GOLGB1: variants seen among roughly 807,000 people sequenced by gnomAD.
GOLGB1 encodes the protein golgin B1, also known as golgin subfamily B member 1.
A neutral mutation model predicts 336.9 loss-of-function variants in GOLGB1; 174 were observed. The ratio of observed to expected loss-of-function variants is 0.52; its 90% CI spans 0.46 to 0.59. GOLGB1 has a LOEUF of 0.59. GOLGB1 is among the 20% of genes least tolerant of loss of function. The pLI is 0.00. For synonymous variants in GOLGB1, 1,208 were observed against 1,289.2 expected, an observed-to-expected ratio of 0.94 and a Z score of 1.35; for missense variants, 3,331 against 3,645.3, an observed-to-expected ratio of 0.91 and a Z score of 2.22.
rs899777284 is a variant in GOLGB1 at position 121,695,529 on chromosome 3, G to A, written c.4994C>T (p.Thr1665Ile). ...LRSTEANKKE[T>I]EKQLQEAEQE... ...CTCAGCTTCCTGCAACTGCTTTTCT[G>A]TCTCCTTCTTGTTTGCCTCTGTGCT... The change falls in exon 13 of 22, where the codon ACA (threonine) becomes ATA (isoleucine). Residue 1665 changes from threonine to isoleucine, a missense_variant. Coordinates refer to ENST00000614479, the MANE Select transcript of GOLGB1 (RefSeq NM_001366282.2). The A allele has an allele frequency of 6.8e-6, 11 of 1,613,640 alleles. No homozygotes were observed. In the Admixed American group the frequency reaches 8.3e-5, roughly 12 times the overall value.
At chr3:121,707,280 A>G (rs1943962704) in intron 10 of GOLGB1, among the ~76,000 whole-genome samples, 1 of 151,240 alleles carries the variant, frequency 6.6e-6, no homozygotes, top group South Asian at 2.1e-4. Flanking sequence ...ACCCATGACC[A>G]GCAGACTTGC....
Position 121,729,890 on chromosome 3 carries a change from AGTTGAACATCCTTCT to A in GOLGB1, c.209_223del (p.Gln70_Gln74del), listed in dbSNP as rs1395049955. 6.2e-7 allele frequency: 1 copy of A among 1,612,340 alleles called. No homozygotes were observed. The highest frequency in any genetic ancestry group is 8.5e-7 in the Non-Finnish European group (1 of 1,178,780). On this transcript the variant is annotated inframe_deletion, in exon 3 of 22. Transcript: ENST00000614479. Reference sequence around the variant, plus strand: ...CTGTAGAGCTTCATCTTTCTGCTGCAGTTGAACATCCTTCTGTCTAATAATATCTTTTAGCTCCAC... The same window carrying A: ...CTGTAGAGCTTCATCTTTCTGCTGCAGTCTAATAATATCTTTTAGCTCCAC...
chr3:121,664,344 TGCAGGCAC>T lies in GOLGB1; in HGVS notation c.*128_*135del. 2 of 795,270 alleles carry T rather than the reference TGCAGGCAC, an allele frequency of 2.5e-6. No homozygotes were observed. The highest frequency in any genetic ancestry group is 4.1e-5 in the Admixed American group (2 of 48,478). 49.3% of individuals were successfully genotyped at this position (795,270 alleles called of 1,614,324 possible). A position where few individuals can be genotyped will look rare whatever the true frequency, so the allele number is the denominator to read the frequency against. On this transcript the variant is annotated 3_prime_UTR_variant, in exon 22 of 22. Transcript: ENST00000614479. ...CTGTCCTCGTATCCACCTCTGTTTT[TGCAGGCAC>T]TTTCCGTGAAGAGTTGGAGAGAAGA...
Position 121,692,413 on chromosome 3 carries a change from T to C in GOLGB1, c.6951A>G (p.Ser2317=). 1 of 1,613,724 alleles carries C rather than the reference T, an allele frequency of 6.2e-7. No individual in the cohort carries two copies. Among genetic ancestry groups the C allele is most frequent in the Non-Finnish European group, 8.5e-7 (1 of 1,179,914 alleles). Residue 2317 remains serine, a synonymous_variant, in exon 14 of 22, where the codon TCA becomes TCG. Transcript: ENST00000614479. The part of the protein sequence containing the change: ...SSQNELAKLE[S]ELKSLKDQLT... ...ACTGGTCTTTGAGACTCTTAAGTTC[T>C]GATTCCAACTTAGCTAATTCATTCT...
intron 4 of GOLGB1, among the ~76,000 whole-genome samples, chr3:121,728,211 T>C (rs1293148511): frequency 2.0e-5 from 3 of 152,156 alleles, no homozygotes. Flanking sequence ...TTCAAGAAGT[T>C]AAATAAGATT....
At chr3:121,668,672 CAAA>C (rs138891151) in intron 18 of GOLGB1, among the ~76,000 whole-genome samples, 15,687 of 66,548 alleles carry the variant, frequency 0.24, 983 homozygotes, top group South Asian at 0.3. Context: ...GACTCCGTCT[CAAA>C]AAAAAAAAAA....
intron 5 of GOLGB1, 25 bp from the exon 6 acceptor site, chr3:121,722,403 GA>G (rs754780897): frequency 3.1e-5 from 39 of 1,268,898 alleles, no homozygotes; most frequent in Non-Finnish European, 3.3e-5. Context: ...GACATAGAAG[GA>G]AAAAAAATTA....
At chr3:121,707,118 T>C (rs1943926741) in intron 10 of GOLGB1, among the ~76,000 whole-genome samples, 1 of 147,474 alleles carries the variant, frequency 6.8e-6, no homozygotes, top group African/African-American at 2.5e-5. Context: ...TCCCAGCTAC[T>C]CGGGAGGCTG....
At chr3:121,680,089 T>C (rs115777355) in intron 15 of GOLGB1, among the ~76,000 whole-genome samples, 65 of 152,300 alleles carry the variant, frequency 4.3e-4, no homozygotes, top group African/African-American at 1.6e-3. Flanking sequence ...ATGGAGGCCA[T>C]GTGGGGAGCA....
At chr3:121,744,362 C>T (rs9829053) in intron 1 of GOLGB1, among the ~76,000 whole-genome samples, 104,004 of 149,218 alleles carry the variant, frequency 0.7, 36,942 homozygotes, top group East Asian at 0.86. Flanking sequence ...ATCCCAGCAC[C>T]TTAGAAGGCT....
At chr3:121,729,455 C>A in intron 3 of GOLGB1, 115 bp from the exon 4 acceptor site, 1 of 880,366 alleles carries the variant, frequency 1.1e-6, no homozygotes. Context: ...TCTCTGTTAC[C>A]AGGGCTGGAG....
chr3:121,696,354 T>C lies in GOLGB1; in HGVS notation c.4169A>G (p.Glu1390Gly), dbSNP rs771367169. The C allele has an allele frequency of 6.2e-7, 1 of 1,614,190 alleles. No individual in the cohort carries two copies. The highest frequency in any genetic ancestry group is 8.5e-7 in the Non-Finnish European group (1 of 1,180,014). Residue 1390 changes from glutamate to glycine, a missense_variant, in exon 13 of 22, where the codon GAA (glutamate) becomes GGA (glycine). By Grantham distance (98) the Glu-to-Gly change is moderately conservative. Coordinates refer to ENST00000614479, the MANE Select transcript of GOLGB1 (RefSeq NM_001366282.2). Reference protein sequence around the residue: ...ESSQLQIAGLEHLRELQPKLD... With the variant: ...ESSQLQIAGLGHLRELQPKLD... ...TTTAGGTTGCAATTCTCTTAGATGT[T>C]CTAGGCCAGCAATTTGTAGTTGGCT...
intron 17 of GOLGB1, among the ~76,000 whole-genome samples, chr3:121,672,062 T>G (rs954423466): frequency 6.6e-6 from 1 of 152,210 alleles, no homozygotes; most frequent in Non-Finnish European, 1.5e-5. Flanking sequence ...CTTACATTGA[T>G]TCTATGTTTT....
At chr3:121,703,423 G>C (rs895585903) in intron 10 of GOLGB1, among the ~76,000 whole-genome samples, 1 of 152,158 alleles carries the variant, frequency 6.6e-6, no homozygotes, top group Non-Finnish European at 1.5e-5. Flanking sequence ...AGAATGAGAA[G>C]AGTTTGGGAC....
chr3:121,696,989 C>T lies in GOLGB1; in HGVS notation c.3534G>A (p.Lys1178=). Residue 1178 remains lysine, a synonymous_variant, in exon 13 of 22, where the codon AAG becomes AAA. Coordinates refer to ENST00000614479, the MANE Select transcript of GOLGB1 (RefSeq NM_001366282.2). ...CCTGTAGCTTCTTTTGAAGTTGCTC[C>T]TTTTCTTTTTCAAGGGCCAGTATCT... ...EEKILALEKE[K]EQLQKKLQEA... is the part of the protein sequence containing the mutation. 1 of 1,614,016 alleles carries T rather than the reference C, an allele frequency of 6.2e-7. No individual in the cohort carries two copies. The highest frequency in any genetic ancestry group is 8.5e-7 in the Non-Finnish European group (1 of 1,179,978).
intron 10 of GOLGB1, among the ~76,000 whole-genome samples, chr3:121,710,644 G>A (rs910532373): frequency 6.6e-5 from 10 of 152,132 alleles, no homozygotes; most frequent in African/African-American, 2.4e-4. Context: ...TTCTGTACCA[G>A]CCTGGGCAAC....
chr3:121,685,479 G>A (rs1019732529), intron 14 of GOLGB1, among the ~76,000 whole-genome samples: 2 of 152,028 alleles, frequency 1.3e-5, no homozygotes, highest in Non-Finnish European at 2.9e-5. Flanking sequence ...AGGGTGCAGT[G>A]AGCTGAGATG....
At chr3:121,723,666 A>G (rs1348832971) in intron 5 of GOLGB1, among the ~76,000 whole-genome samples, 1 of 152,162 alleles carries the variant, frequency 6.6e-6, no homozygotes, top group Non-Finnish European at 1.5e-5. Flanking sequence ...GTCTTTAATT[A>G]TTACAAATAA....
In GOLGB1 at chr3:121,692,335, C is replaced by T. The variant is rs777344209; in HGVS notation, c.7029G>A (p.Leu2343=). ...LEKCKEQKGN[L]EGIIRQQEAD... ...CCTCTTGCTGCCTTATGATCCCTTC[C>T]AAGTTTCCTTTTTGTTCCTTACATT... Residue 2343 remains leucine, a synonymous_variant, in exon 14 of 22, where the codon TTG becomes TTA. Transcript: ENST00000614479. 6.2e-7 allele frequency: 1 copy of T among 1,607,402 alleles called. No individual in the cohort carries two copies. Among genetic ancestry groups the T allele is most frequent in the Non-Finnish European group, 8.5e-7 (1 of 1,178,260 alleles).
Sources: allele counts gnomAD v4.1 joint callset (sites outside exome capture counted in the v4.1 genomes callset), GRCh38; gene constraint gnomAD v4.1.1; transcripts MANE v1.5; gene names NCBI Gene and HGNC (gene_info 2026-07-23, HGNC 2026-07-21).